FSTL4: variants seen among roughly 807,000 people sequenced by gnomAD.
FSTL4 encodes follistatin like 4.
A neutral mutation model predicts 78.2 loss-of-function variants in FSTL4; 28 were observed. The observed-to-expected ratio is 0.36, with a 90% CI of 0.27 to 0.49. The LOEUF (loss-of-function observed/expected upper bound fraction) is 0.49. Ranked by LOEUF, FSTL4 falls within the 20% of genes least tolerant of loss-of-function variation. FSTL4 has a pLI of 0.98. For missense variants in FSTL4, 922 were observed against 1,084.9 expected, an observed-to-expected ratio of 0.85 and a Z score of 2.11; for synonymous variants, 422 against 440.5, an observed-to-expected ratio of 0.96 and a Z score of 0.53.
intron 4 of FSTL4, among the ~76,000 whole-genome samples, chr5:133,354,127 GA>G (rs1277640676): frequency 6.6e-6 from 1 of 152,046 alleles, no homozygotes; most frequent in Non-Finnish European, 1.5e-5. Flanking sequence ...TCTGTAAACT[GA>G]CCCCTATTAT....
the FSTL4 span, among the ~76,000 whole-genome samples, chr5:133,653,519 G>A: frequency 6.6e-6 from 1 of 152,190 alleles, no homozygotes; most frequent in Non-Finnish European, 1.5e-5. Flanking sequence ...TCCTCCCGCT[G>A]AGGATTAACT....
At chr5:133,307,041 C>T (rs760350879) in intron 6 of FSTL4, among the ~76,000 whole-genome samples, 2 of 152,182 alleles carry the variant, frequency 1.3e-5, no homozygotes, top group Non-Finnish European at 2.9e-5. Context: ...ACTCTGTGCA[C>T]GGTTGTTATT....
chr5:133,506,644 T>C (rs1758617847), intron 3 of FSTL4, among the ~76,000 whole-genome samples: 1 of 152,162 alleles, frequency 6.6e-6, no homozygotes. Context: ...TTGCCCAGCA[T>C]TGTTATGAGA....
the FSTL4 span, among the ~76,000 whole-genome samples, chr5:133,644,280 T>G: frequency 6.6e-6 from 1 of 152,276 alleles, no homozygotes; most frequent in Non-Finnish European, 1.5e-5. Context: ...TTGTTCCAAC[T>G]TCTGAGTAAA....
At chr5:133,525,222 C>T (rs928835143) in intron 3 of FSTL4, among the ~76,000 whole-genome samples, 7 of 152,198 alleles carry the variant, frequency 4.6e-5, no homozygotes, top group Non-Finnish European at 7.3e-5. Context: ...TCGCTTATCA[C>T]GCACATTCCA....
In FSTL4 at chr5:133,338,216, A is replaced by G. The variant is rs902473283; in HGVS notation, c.410-21564T>C. Among the ~76,000 whole-genome samples, 1 of 150,688 alleles carries G rather than the reference A, an allele frequency of 6.6e-6. No individual in the cohort carries two copies. The highest frequency in any genetic ancestry group is 2.4e-5 in the African/African-American group (1 of 40,916). Reference sequence around the variant, plus strand: ...TCACTCACTGGCCCTGGCCCTGATGACCCCCCGGGTGTGTGCCCCTATTCC... The same window carrying G: ...TCACTCACTGGCCCTGGCCCTGATGGCCCCCCGGGTGTGTGCCCCTATTCC... On this transcript the variant is annotated intron_variant, in intron 4 of 15. Transcript: ENST00000265342. The surrounding 1 kb of genome is among the most constrained non-coding windows in gnomAD (Gnocchi z 4.0).
chr5:133,673,579 C>T, the FSTL4 span, among the ~76,000 whole-genome samples: 295 of 152,368 alleles, frequency 1.9e-3, 1 homozygote, highest in Non-Finnish European at 2.7e-3. Context: ...TGCCTGCCAA[C>T]CATTGTGGAT....
At chr5:133,535,689 C>T (rs994068000) in intron 3 of FSTL4, among the ~76,000 whole-genome samples, 4 of 152,184 alleles carry the variant, frequency 2.6e-5, no homozygotes, top group Admixed American at 6.5e-5. Context: ...TCTTCTAGCG[C>T]TGCTAGGTTA....
At chr5:133,321,609 G>A (rs1580614538) in intron 4 of FSTL4, among the ~76,000 whole-genome samples, 1 of 152,360 alleles carries the variant, frequency 6.6e-6, no homozygotes, top group South Asian at 2.1e-4. Context: ...ACTTTGGGAG[G>A]CCGAGGCAGG....
upstream of FSTL4, among the ~76,000 whole-genome samples, chr5:133,613,883 T>C (rs1761156154): frequency 6.6e-6 from 1 of 152,220 alleles, no homozygotes; most frequent in South Asian, 2.1e-4. Context: ...CTAGCCAGTG[T>C]GATCCTCTCT....
intron 4 of FSTL4, among the ~76,000 whole-genome samples, chr5:133,345,070 G>A (rs577890216): frequency 6.6e-6 from 1 of 150,686 alleles, no homozygotes; most frequent in Admixed American, 6.6e-5. Context: ...CCGGGTTCAC[G>A]CCATTCTCCT....
chr5:133,404,489 T>C (rs1756309351), intron 3 of FSTL4, among the ~76,000 whole-genome samples: 1 of 152,196 alleles, frequency 6.6e-6, no homozygotes, highest in Admixed American at 6.5e-5. Context: ...ATAAGCTGCT[T>C]TCCAACACAA....
the FSTL4 span, among the ~76,000 whole-genome samples, chr5:133,752,534 C>T: frequency 9.9e-5 from 15 of 152,112 alleles, no homozygotes; most frequent in East Asian, 3.9e-4. Context: ...CACTTGAACC[C>T]GGGAGGCAGA....
chr5:133,689,752 T>C, the FSTL4 span, among the ~76,000 whole-genome samples: 1 of 152,174 alleles, frequency 6.6e-6, no homozygotes, highest in Admixed American at 6.5e-5. Context: ...CTCAGCACTC[T>C]AAGTGCCCCA....
chr5:133,409,551 GT>G (rs1458211318), intron 3 of FSTL4, among the ~76,000 whole-genome samples: 1 of 152,210 alleles, frequency 6.6e-6, no homozygotes, highest in Non-Finnish European at 1.5e-5. Flanking sequence ...CGCTCCTGTG[GT>G]TCCTTAGACG....
the FSTL4 span, among the ~76,000 whole-genome samples, chr5:133,638,282 C>G: frequency 1.3e-5 from 2 of 152,190 alleles, no homozygotes; most frequent in Non-Finnish European, 2.9e-5. Flanking sequence ...CCCCTCCTCA[C>G]TCCCCAGGAC....
intron 3 of FSTL4, among the ~76,000 whole-genome samples, chr5:133,512,584 A>G (rs1758756871): frequency 6.6e-6 from 1 of 152,236 alleles, no homozygotes; most frequent in South Asian, 2.1e-4. Flanking sequence ...TATCCCAAGC[A>G]GTATTTTAGG....
chr5:133,266,840 C>T (rs775656239), intron 6 of FSTL4, among the ~76,000 whole-genome samples: 13 of 152,326 alleles, frequency 8.5e-5, no homozygotes, highest in South Asian at 4.1e-4. Flanking sequence ...AGTGGAGGTC[C>T]GGAGCAGTGA....
Position 133,199,926 on chromosome 5 carries a change from A to T in FSTL4, c.1827-129T>A, listed in dbSNP as rs1750268049. The T allele has an allele frequency of 1.7e-6, 1 of 605,598 alleles. No individual in the cohort carries two copies. Among genetic ancestry groups the T allele is most frequent in the Non-Finnish European group, 3.0e-6 (1 of 335,374 alleles). 37.5% of individuals were successfully genotyped at this position (605,598 alleles called of 1,614,324 possible). A position where few individuals can be genotyped will look rare whatever the true frequency, so the allele number is the denominator to read the frequency against. On this transcript the variant is annotated intron_variant, in intron 15 of 15. Coordinates refer to ENST00000265342, the MANE Select transcript of FSTL4 (RefSeq NM_015082.2). This position sits in a 1 kb window ranked among gnomAD's most constrained non-coding sequence, Gnocchi z 4.4. ...TTCAGTGATCTAATAGCCTAGTAATAAGATCTATCATTCTGCAGGGGATGT... is the reference window on the plus strand; with the variant it reads ...TTCAGTGATCTAATAGCCTAGTAATTAGATCTATCATTCTGCAGGGGATGT...
Sources: gnomAD v4.1 joint callset for allele counts (sites outside exome capture counted in the v4.1 genomes callset) on GRCh38, gnomAD v4.1.1 for gene constraint, Gnocchi (gnomAD v3.1) non-coding constraint, MANE v1.5 for transcripts, NCBI Gene and HGNC (gene_info 2026-07-23, HGNC 2026-07-21) for gene names.